BCAM: variants seen among roughly 807,000 people sequenced by gnomAD.
BCAM encodes the protein basal cell adhesion molecule (Lutheran blood group).
In BCAM, 61 loss-of-function variants were observed where a neutral mutation model predicts 72.4. The ratio of observed to expected loss-of-function variants is 0.84; its 90% confidence interval spans 0.69 to 1.04. BCAM has a LOEUF of 1.04. Ranked by LOEUF, BCAM falls within the 50% of genes least tolerant of loss-of-function variation. The pLI, the probability that BCAM is intolerant of heterozygous loss-of-function variation, is 0.00. For synonymous variants in BCAM, 408 were observed against 384.2 expected (o/e 1.06, Z -0.73); for missense variants, 909 against 895.0 (o/e 1.02, Z -0.20).
rs1384710613 is a variant in BCAM at position 44,814,896 on chromosome 19, G to GT, written c.1078+143dup. The GT allele has an allele frequency of 7.0e-6, 6 of 851,352 alleles. No homozygotes were observed. The highest frequency in any genetic ancestry group is 3.7e-5 in the South Asian group (1 of 26,734). The allele number at this position is 851,352 out of a possible 1,614,324, so 52.7% of individuals were successfully genotyped here. A position where few individuals can be genotyped will look rare whatever the true frequency, so the allele number is the denominator to read the frequency against. On this transcript the variant is annotated intron_variant, in intron 8 of 14. Coordinates refer to ENST00000270233, the MANE Select transcript of BCAM (RefSeq NM_005581.5). This position sits in a 1 kb window ranked among gnomAD's most constrained non-coding sequence, Gnocchi z 4.6. ...AACCCTTTCTCTGCATTTCTTGGGG[G>GT]TTTTTTTGGTTGTTTTTTTTTTTTT...
rs1968458856 is a variant in BCAM, at chr19:44,813,522, A to G, written c.686A>G (p.Asp229Gly). The G allele has an allele frequency of 6.2e-7, 1 of 1,612,548 alleles. No homozygotes were observed. The highest frequency in any genetic ancestry group is 8.5e-7 in the Non-Finnish European group (1 of 1,179,924). Reference sequence around the variant, plus strand: ...ACCCTCTACCTGCGGCTCCGCAAGGATGACCGAGACGCCAGCTTCCACTGC... The same window carrying G: ...ACCCTCTACCTGCGGCTCCGCAAGGGTGACCGAGACGCCAGCTTCCACTGC... ...TSTLYLRLRK[D>G]DRDASFHCAA... Residue 229 changes from aspartate (D) to glycine (G), a missense_variant, in exon 6 of 15, where the codon GAT becomes GGT. Asp to Gly is a moderately conservative substitution (Grantham distance 94). Transcript: ENST00000270233. The surrounding 1 kb of genome is among the most constrained non-coding windows in gnomAD (Gnocchi z 4.2).
intron 13 of BCAM, 196 bp downstream of exon 13, chr19:44,819,922 A>C: frequency 6.2e-6 from 2 of 324,940 alleles, no homozygotes; most frequent in South Asian, 4.9e-5. Flanking sequence ...GCCATCCCCA[A>C]CTCATCCTCA....
At chr19:44,820,534 A>C in intron 13 of BCAM, 171 bp from the exon 14 acceptor site, 3 of 1,272,470 alleles carry the variant, frequency 2.4e-6, no homozygotes, top group Admixed American at 3.9e-5. Context: ...CCCTAACCCC[A>C]GTGCCATTAC....
In BCAM at chr19:44,812,243, C is replaced by G. The variant is rs145500439; in HGVS notation, c.285C>G (p.Thr95=). The G allele has an allele frequency of 2.4e-4, 386 of 1,608,564 alleles. 2 individuals carry two copies. The African/African-American group carries it at 4.7e-3, about 19-fold the overall frequency. The change falls in exon 3 of 15, where the codon ACC becomes ACG. Residue 95 remains threonine, a synonymous_variant. Transcript: ENST00000270233. The surrounding 1 kb of genome is among the most constrained non-coding windows in gnomAD (Gnocchi z 5.3). ...AGCTCCAGGTCACAATGCACGACAC[C>G]CGGGGCCGCAGTCCCCCATACCAGC... ...GSELQVTMHD[T]RGRSPPYQLD...
chr19:44,819,359 T>G lies in BCAM; in HGVS notation c.1487T>G (p.Ile496Ser). 6.2e-7 allele frequency: 1 copy of G among 1,613,916 alleles called. No individual in the cohort carries two copies. The highest frequency in any genetic ancestry group is 1.1e-5 in the South Asian group (1 of 91,076). The change falls in exon 12 of 15, where the codon ATC (isoleucine) becomes AGC (serine). Residue 496 changes from isoleucine to serine, a missense_variant. Ile to Ser is a moderately radical substitution (Grantham distance 142). Transcript: ENST00000270233. ...SQLGGSPAEP[I>S]PGRQGWVSSS... is the part of the protein sequence containing the mutation. ...GAGCCTCCATAGCCCGCAGAGCCAA[T>G]CCCCGGACGGCAGGGTTGGGTGAGC...
At chr19:44,817,391 A>G (rs1968516385) in intron 8 of BCAM, among the ~76,000 whole-genome samples, 1 of 152,078 alleles carries the variant, frequency 6.6e-6, no homozygotes, top group Non-Finnish European at 1.5e-5. Flanking sequence ...AGGAATGGGG[A>G]AGAGTGGGAG....
rs1968467515 is a variant in BCAM at position 44,814,021 on chromosome 19, C to T, written c.785-131C>T. 2.5e-6 allele frequency: 3 copies of T among 1,194,562 alleles called. No individual in the cohort carries two copies. Among genetic ancestry groups the T allele is most frequent in the East Asian group, 2.5e-5 (1 of 40,588 alleles). 74.0% of individuals were successfully genotyped at this position (1,194,562 alleles called of 1,614,324 possible). A position where few individuals can be genotyped will look rare whatever the true frequency, so the allele number is the denominator to read the frequency against. ...ACTCAGAATAATTGTGAACCTGAGG[C>T]TTGAAACCTATGACCCGTAACCTTT... On this transcript the variant is annotated intron_variant, in intron 6 of 14. Transcript: ENST00000270233. The surrounding 1 kb of genome is among the most constrained non-coding windows in gnomAD (Gnocchi z 4.6).
In BCAM at chr19:44,814,654, G is replaced by A. The variant is rs374263348; in HGVS notation, c.972G>A (p.Leu324=). 1.7e-5 allele frequency: 28 copies of A among 1,614,014 alleles called. No individual in the cohort carries two copies. Among genetic ancestry groups the A allele is most frequent in the Non-Finnish European group, 2.4e-5 (28 of 1,180,022 alleles). ...TGAATCTCGAGGGGAACTTGACCCT[G>A]GAGGGAGTGACCCGGGGCCAGAGCG... ...LNVNLEGNLT[L]EGVTRGQSGT... The change falls in exon 8 of 15, where the codon CTG becomes CTA. Residue 324 remains leucine, a synonymous_variant. Transcript: ENST00000270233. The surrounding 1 kb of genome is among the most constrained non-coding windows in gnomAD (Gnocchi z 4.6).
Position 44,813,474 on chromosome 19 carries a change from C to G in BCAM, c.638C>G (p.Ser213Trp), listed in dbSNP as rs773562897. The G allele has an allele frequency of 7.4e-6, 12 of 1,612,020 alleles. No homozygotes were observed. The Admixed American group carries it at 1.7e-4, about 22-fold the overall frequency. ...ACCAGCCGCACGGTCCGGGAGGCCT[C>G]GGGCCTGCTCTCCCTCACCAGCACC... ...YMTSRTVREA[S>W]GLLSLTSTLY... The change falls in exon 6 of 15, where the codon TCG (serine) becomes TGG (tryptophan). Residue 213 changes from serine (S) to tryptophan (W), a missense_variant. Physicochemically the swap from Ser to Trp is radical, Grantham distance 177. Coordinates refer to ENST00000270233, the MANE Select transcript of BCAM (RefSeq NM_005581.5). The surrounding 1 kb of genome is among the most constrained non-coding windows in gnomAD (Gnocchi z 4.2).
intron 8 of BCAM, among the ~76,000 whole-genome samples, chr19:44,817,524 G>T (rs1432328032): frequency 2.0e-5 from 3 of 151,680 alleles, no homozygotes; most frequent in Non-Finnish European, 4.4e-5. Context: ...GGGGAGGGAT[G>T]ACCAGTGGGT....
In BCAM at chr19:44,813,389, T is replaced by C. The variant is rs746737100; in HGVS notation, c.601+43T>C. Reference sequence around the variant, plus strand: ...GCGGCGGGACGTGGGCTGGGGTGGGTGGCGGGGCTATGGCCTGGCTGACTG... The same window carrying C: ...GCGGCGGGACGTGGGCTGGGGTGGGCGGCGGGGCTATGGCCTGGCTGACTG... On this transcript the variant is annotated intron_variant, in intron 5 of 14. Coordinates refer to ENST00000270233, the MANE Select transcript of BCAM (RefSeq NM_005581.5). The surrounding 1 kb of genome is among the most constrained non-coding windows in gnomAD (Gnocchi z 4.2). 3.1e-6 allele frequency: 5 copies of C among 1,609,160 alleles called. No individual in the cohort carries two copies. The East Asian group carries it at 6.7e-5, about 22-fold the overall frequency.
Position 44,813,600 on chromosome 19 carries a change from C to T in BCAM, c.764C>T (p.Thr255Ile), listed in dbSNP as rs757599474. The T allele has an allele frequency of 1.3e-5, 21 of 1,612,314 alleles. No individual in the cohort carries two copies. The Admixed American group carries it at 3.0e-4, about 23-fold the overall frequency. The change falls in exon 6 of 15, where the codon ACC (threonine) becomes ATC (isoleucine). Residue 255 changes from threonine (T) to isoleucine (I), a missense_variant. Thr to Ile is a moderately conservative substitution (Grantham distance 89). Transcript: ENST00000270233. This position sits in a 1 kb window ranked among gnomAD's most constrained non-coding sequence, Gnocchi z 4.2. ...CGCCACGGCCGCCTGGACAGCCCCA[C>T]CTTCCACCTCACCCTGCACTGTGAG... Reference protein sequence around the residue: ...EGRHGRLDSPTFHLTLHYPTE... With the variant: ...EGRHGRLDSPIFHLTLHYPTE...
Position 44,820,966 on chromosome 19 carries a change from C to A in BCAM, c.*45C>A. 1 of 1,532,064 alleles carries A rather than the reference C, an allele frequency of 6.5e-7. No homozygotes were observed. Among genetic ancestry groups the A allele is most frequent in the Admixed American group, 2.1e-5 (1 of 48,356 alleles). 94.9% of individuals were successfully genotyped at this position (1,532,064 alleles called of 1,614,324 possible). A position where few individuals can be genotyped will look rare whatever the true frequency, so the allele number is the denominator to read the frequency against. ...CTGTCCCTGGACCTGGAGCTGCAGGCATCAGAGAACCAGCCCTGCTCACGC... is the reference window on the plus strand; with the variant it reads ...CTGTCCCTGGACCTGGAGCTGCAGGAATCAGAGAACCAGCCCTGCTCACGC... On this transcript the variant is annotated 3_prime_UTR_variant, in exon 15 of 15. Transcript: ENST00000270233.
At position 44,813,728 on chromosome 19, in the gene BCAM, T is replaced by A; in HGVS notation, c.784+108T>A. 3.5e-6 allele frequency: 5 copies of A among 1,418,176 alleles called. No individual in the cohort carries two copies. The highest frequency in any genetic ancestry group is 4.7e-6 in the Non-Finnish European group (5 of 1,060,306). 87.8% of individuals were successfully genotyped at this position (1,418,176 alleles called of 1,614,324 possible). A position where few individuals can be genotyped will look rare whatever the true frequency, so the allele number is the denominator to read the frequency against. On this transcript the variant is annotated intron_variant, in intron 6 of 14. Coordinates refer to ENST00000270233, the MANE Select transcript of BCAM (RefSeq NM_005581.5). This position sits in a 1 kb window ranked among gnomAD's most constrained non-coding sequence, Gnocchi z 4.2. ...CCCCTCTGACCCTCTGCCTCCCTAC[T>A]TCATGCTAAAAAAAAATGTGCTAGT...
intron 1 of BCAM, among the ~76,000 whole-genome samples, chr19:44,810,709 G>T (rs912274029): frequency 9.8e-5 from 15 of 152,348 alleles, no homozygotes; most frequent in Non-Finnish European, 1.6e-4. Flanking sequence ...GCCTGGCCCT[G>T]CCCTGGGGGG....
chr19:44,812,138 C>T lies in BCAM; in HGVS notation c.205-25C>T. The T allele has an allele frequency of 3.2e-6, 5 of 1,575,228 alleles. No homozygotes were observed. The highest frequency in any genetic ancestry group is 4.3e-6 in the Non-Finnish European group (5 of 1,165,894). ...CTGAGGAGCGCTGGGACACCCGGAG[C>T]TGAGAGCCTGCCCCGCGCCCACAGA... On this transcript the variant is annotated intron_variant, in intron 2 of 14. Coordinates refer to ENST00000270233, the MANE Select transcript of BCAM (RefSeq NM_005581.5). The surrounding 1 kb of genome is among the most constrained non-coding windows in gnomAD (Gnocchi z 5.3).
rs114176628 is a variant in BCAM at position 44,819,096 on chromosome 19, A to C, written c.1377A>C (p.Ala459=). 1,246 of 1,614,128 alleles carry C rather than the reference A, an allele frequency of 7.7e-4. 7 individuals are homozygous for C. The African/African-American group carries it at 0.014, about 18-fold the overall frequency. ...ELKTAEIEPK[A]DGSWREGDEV... ...AGACAGCGGAAATAGAGCCCAAGGC[A>C]GATGGCAGCTGGAGGGAAGGAGACG... The change falls in exon 11 of 15, where the codon GCA becomes GCC. Residue 459 remains alanine (A), a synonymous_variant. Transcript: ENST00000270233.
intron 11 of BCAM, 51 bp from the exon 12 acceptor site, chr19:44,819,295 T>C: frequency 6.2e-7 from 1 of 1,612,400 alleles, no homozygotes; most frequent in South Asian, 1.1e-5. Flanking sequence ...CCTCTGCCCT[T>C]GACCCCACCC....
chr19:44,811,362 T>C lies in BCAM; in HGVS notation c.204+16T>C. 6.2e-7 allele frequency: 1 copy of C among 1,611,708 alleles called. No individual in the cohort carries two copies. The highest frequency in any genetic ancestry group is 8.5e-7 in the Non-Finnish European group (1 of 1,178,786). On this transcript the variant is annotated intron_variant, in intron 2 of 14. Transcript: ENST00000270233. Reference sequence around the variant, plus strand: ...ATGGTTCCTTGTGAGTGCTTGGGGCTGGGGGGCCTGGAGTCAGGGCACAGC... The same window carrying C: ...ATGGTTCCTTGTGAGTGCTTGGGGCCGGGGGGCCTGGAGTCAGGGCACAGC...
Sources: allele counts gnomAD v4.1 joint callset (sites outside exome capture counted in the v4.1 genomes callset), GRCh38; gene constraint gnomAD v4.1.1; non-coding constraint Gnocchi (gnomAD v3.1); transcripts MANE v1.5; gene names NCBI Gene and HGNC (gene_info 2026-07-23, HGNC 2026-07-21).